TGIF1: variants seen among roughly 807,000 people sequenced by gnomAD.
TGIF1 encodes the protein TGFB induced factor homeobox 1.
In TGIF1, 4 loss-of-function variants were observed where a neutral mutation model predicts 19.3. That is an observed-to-expected ratio of 0.21 (90% CI 0.10 to 0.47). The LOEUF (loss-of-function observed/expected upper bound fraction) is 0.47, where lower values mean the gene tolerates loss of function less well. TGIF1 is among the 20% of genes least tolerant of loss of function. The pLI is 0.98. For missense variants in TGIF1, 275 were observed against 341.4 expected, an observed-to-expected ratio of 0.81 and a Z score of 1.53; for synonymous variants, 122 against 129.3, an observed-to-expected ratio of 0.94 and a Z score of 0.38.
chr18:3,433,943 AG>A (rs1362695495), intron 2 of TGIF1, among the ~76,000 whole-genome samples: 2 of 152,226 alleles, frequency 1.3e-5, no homozygotes, highest in Admixed American at 1.3e-4. Context: ...TCACAGTCCC[AG>A]GTTTATACTT....
At chr18:3,429,579 A>G (rs1204587062) in intron 2 of TGIF1, among the ~76,000 whole-genome samples, 2 of 152,242 alleles carry the variant, frequency 1.3e-5, no homozygotes, top group African/African-American at 4.8e-5. Context: ...CAGAGAAGAT[A>G]GTAAATGAAG....
chr18:3,449,593 C>G (rs1481674751), upstream of TGIF1: 1 of 984,648 alleles, frequency 1.0e-6, no homozygotes, highest in African/African-American at 1.8e-5. Flanking sequence ...GGAAGAGCCC[C>G]GGGAGGAGAA....
rs566210101 is a variant in TGIF1 at position 3,458,084 on chromosome 18, A to G, written c.*144A>G. ...GCTTCCTGTTACTGAGATGTCTTCA[A>G]TGGAATACAGTCATTCCAAGAACTA... On this transcript the variant is annotated 3_prime_UTR_variant, in exon 3 of 3. Coordinates refer to ENST00000343820, the MANE Select transcript of TGIF1 (RefSeq NM_003244.4). 5.7e-4 allele frequency: 410 copies of G among 714,516 alleles called. 1 individual carries two copies. The highest frequency in any genetic ancestry group is 8.1e-5 in the East Asian group (3 of 36,980). 44.3% of individuals were successfully genotyped at this position (714,516 alleles called of 1,614,324 possible).
chr18:3,422,570 T>C (rs2082414226), intron 2 of TGIF1, among the ~76,000 whole-genome samples: 1 of 151,802 alleles, frequency 6.6e-6, no homozygotes, highest in African/African-American at 2.4e-5. Flanking sequence ...TACAGTAATA[T>C]TTTGTAGGCC....
upstream of TGIF1, chr18:3,447,981 C>G (rs1044877767): frequency 1.1e-6 from 1 of 922,692 alleles, no homozygotes; most frequent in Non-Finnish European, 1.3e-6. Flanking sequence ...GAAAGCAAAG[C>G]TACCTTTGTG....
chr18:3,454,192 T>G (rs760329991), intron 1 of TGIF1, among the ~76,000 whole-genome samples: 3 of 152,218 alleles, frequency 2.0e-5, no homozygotes, highest in Non-Finnish European at 4.4e-5. Flanking sequence ...TGCAGTTTGG[T>G]GTTGCTTAAC....
intron 1 of TGIF1, among the ~76,000 whole-genome samples, chr18:3,417,280 C>T (rs1445169115): frequency 1.3e-5 from 2 of 152,158 alleles, no homozygotes; most frequent in Non-Finnish European, 2.9e-5. Context: ...CAGCCTCAGC[C>T]TCCCGAGTAG....
intron 2 of TGIF1, among the ~76,000 whole-genome samples, chr18:3,436,552 C>G (rs1313541597): frequency 6.6e-6 from 1 of 152,226 alleles, no homozygotes; most frequent in African/African-American, 2.4e-5. Flanking sequence ...GGCATGGTGG[C>G]TCATGCCTGT....
At chr18:3,422,673 C>CTTTTTTGTTTTTTTT (rs1481496826) in intron 2 of TGIF1, among the ~76,000 whole-genome samples, 5 of 24,670 alleles carry the variant, frequency 2.0e-4, no homozygotes, top group Non-Finnish European at 1.6e-4. Flanking sequence ...TATAGGTGGC[C>CTTTTTTGTTTTTTTT]TTTTTTTTTT....
At chr18:3,430,169 CTG>C (rs2143185954) in intron 2 of TGIF1, among the ~76,000 whole-genome samples, 2 of 152,176 alleles carry the variant, frequency 1.3e-5, no homozygotes, top group South Asian at 4.1e-4. Flanking sequence ...AGAGAAAAGA[CTG>C]TGAAAATACT....
In TGIF1 at chr18:3,424,764, C is replaced by T. The variant is rs574458555; in HGVS notation, c.-45+6549C>T. Among the ~76,000 whole-genome samples, 7 of 152,242 alleles carry T rather than the reference C, an allele frequency of 4.6e-5. No individual in the cohort carries two copies. The South Asian group carries it at 1.2e-3, about 27-fold the overall frequency. Reference sequence around the variant, plus strand: ...CCTACTTAATGACCCCTCCATAAAACCCCCAAAGGATAGAAGTTGGAGAGC... The same window carrying T: ...CCTACTTAATGACCCCTCCATAAAATCCCCAAAGGATAGAAGTTGGAGAGC... On this transcript the variant is annotated intron_variant, in intron 2 of 3. Coordinates refer to the TGIF1 transcript ENST00000401449.
intron 1 of TGIF1, among the ~76,000 whole-genome samples, chr18:3,414,959 C>T (rs1274218293): frequency 6.6e-6 from 1 of 152,216 alleles, no homozygotes; most frequent in Non-Finnish European, 1.5e-5. Context: ...TACTTTTCTA[C>T]ACTACACTTC....
At chr18:3,455,002 G>A (rs2083120630) in intron 1 of TGIF1, 1 of 152,116 alleles carries the variant, frequency 6.6e-6, no homozygotes, top group South Asian at 2.1e-4. Flanking sequence ...CCTGTCAAGG[G>A]GAACTGGCTC....
chr18:3,448,636 GATTC>G (rs1052316458), upstream of TGIF1: 1 of 983,996 alleles, frequency 1.0e-6, no homozygotes, highest in African/African-American at 1.8e-5. Flanking sequence ...TTTCCCTGTT[GATTC>G]ATTTTAGTCC....
intron 1 of TGIF1, 126 bp downstream of exon 1, chr18:3,450,631 C>A (rs2082880905): frequency 2.0e-6 from 3 of 1,528,396 alleles, no homozygotes; most frequent in South Asian, 2.4e-5. Flanking sequence ...GGAGTGGCGG[C>A]CGTGCTCTTT....
chr18:3,447,561 T>C, upstream of TGIF1: 2 of 751,620 alleles, frequency 2.7e-6, no homozygotes, highest in South Asian at 1.5e-5. Flanking sequence ...CTAGGCACTT[T>C]CTTCCCAGAA....
At chr18:3,423,017 C>T (rs565932151) in intron 2 of TGIF1, among the ~76,000 whole-genome samples, 1 of 152,056 alleles carries the variant, frequency 6.6e-6, no homozygotes, top group African/African-American at 2.4e-5. Flanking sequence ...CATATTTTTA[C>T]TATACATGTT....
chr18:3,426,827 C>T (rs985442053), intron 2 of TGIF1, among the ~76,000 whole-genome samples: 1 of 151,636 alleles, frequency 6.6e-6, no homozygotes, highest in African/African-American at 2.4e-5. Context: ...AATTGCAGTC[C>T]AAATGCCAAA....
At chr18:3,447,339 T>TAA (rs11421150), upstream of TGIF1, among the ~76,000 whole-genome samples, 754 of 141,688 alleles carry the variant, frequency 5.3e-3, 5 homozygotes, top group African/African-American at 0.015. Flanking sequence ...CTATATACTT[T>TAA]AAAAAAAAAA....
Sources: gnomAD v4.1 joint callset for allele counts (sites outside exome capture counted in the v4.1 genomes callset) on GRCh38, gnomAD v4.1.1 for gene constraint, MANE v1.5 for transcripts, NCBI Gene and HGNC (gene_info 2026-07-23, HGNC 2026-07-21) for gene names.